Variants in CLRN3 observed in about 807,000 individuals in gnomAD.
CLRN3 encodes clarin-3.
CLRN3 carries 12 observed loss-of-function variants against 16.7 expected under a neutral mutation model. That is an observed-to-expected ratio of 0.72 (90% confidence interval 0.46 to 1.16). The LOEUF is 1.16. Among genes scored for constraint, CLRN3 ranks in the 50% most tolerant of loss-of-function variants. CLRN3 has a pLI of 0.00. For missense variants in CLRN3, 296 were observed against 274.2 expected, an observed-to-expected ratio of 1.08 and a Z score of -0.56; for synonymous variants, 118 against 113.0, an observed-to-expected ratio of 1.04 and a Z score of -0.28.
chr10:127,887,419 T>C (rs2135084098), intron 1 of CLRN3, among the ~76,000 whole-genome samples: 1 of 152,266 alleles, frequency 6.6e-6, no homozygotes, highest in Admixed American at 6.5e-5. Flanking sequence ...AAAAGCTGTT[T>C]TTGGGTATTC....
intron 1 of CLRN3, among the ~76,000 whole-genome samples, chr10:127,885,809 G>A (rs1011610987): frequency 1.1e-4 from 16 of 151,496 alleles, no homozygotes; most frequent in South Asian, 1.0e-3. Flanking sequence ...AGGCTGGAGC[G>A]CAATGGTGCG....
At chr10:127,889,752 C>T (rs1390337574) in intron 1 of CLRN3, among the ~76,000 whole-genome samples, 1 of 152,226 alleles carries the variant, frequency 6.6e-6, no homozygotes, top group Admixed American at 6.5e-5. Flanking sequence ...CACAGGAATT[C>T]CATGTCCTAA....
chr10:127,891,108 C>T (rs141439004), intron 1 of CLRN3, among the ~76,000 whole-genome samples: 1 of 152,316 alleles, frequency 6.6e-6, no homozygotes, highest in African/African-American at 2.4e-5. Flanking sequence ...TGGGCTGCCG[C>T]ACCTACCTGG....
intron 2 of CLRN3, 43 bp downstream of exon 2, chr10:127,883,653 A>C (rs72845049): frequency 0.12 from 168,099 of 1,371,790 alleles, 12,007 homozygotes; most frequent in Non-Finnish European, 0.15. Context: ...GACAAGCGGG[A>C]TGCAGTTTTC....
chr10:127,892,793 G>GA lies in CLRN3; in HGVS notation c.-10dup. 6.5e-7 allele frequency: 1 copy of GA among 1,546,046 alleles called. No homozygotes were observed. Among genetic ancestry groups the GA allele is most frequent in the Admixed American group, 1.7e-5 (1 of 59,804 alleles). ...TTCTTTGTGGTAGGCATTTTCACAG[G>GA]AAAATAAGTTCTCTAGGACAAAAAA... is the stretch of plus-strand genomic sequence containing the variant. On this transcript the variant is annotated 5_prime_UTR_variant, in exon 1 of 3. Coordinates refer to ENST00000368671, the MANE Select transcript of CLRN3 (RefSeq NM_152311.5).
intron 1 of CLRN3, among the ~76,000 whole-genome samples, chr10:127,884,187 C>A (rs528269199): frequency 6.6e-6 from 1 of 152,364 alleles, no homozygotes; most frequent in Non-Finnish European, 1.5e-5. Flanking sequence ...CTTCCCATTA[C>A]TGAGCTCGGG....
chr10:127,884,345 G>C (rs932625318), intron 1 of CLRN3, among the ~76,000 whole-genome samples: 3 of 152,232 alleles, frequency 2.0e-5, no homozygotes, highest in Non-Finnish European at 1.5e-5. Flanking sequence ...TGTGGCATCT[G>C]GGGTAATTGC....
intron 1 of CLRN3, among the ~76,000 whole-genome samples, chr10:127,885,781 G>A (rs1845186713): frequency 6.6e-6 from 1 of 152,058 alleles, no homozygotes; most frequent in African/African-American, 2.4e-5. Flanking sequence ...TTGAGTTGGA[G>A]TTTCACTCTT....
chr10:127,886,933 G>A (rs1845201914), intron 1 of CLRN3, among the ~76,000 whole-genome samples: 1 of 152,232 alleles, frequency 6.6e-6, no homozygotes, highest in Non-Finnish European at 1.5e-5. Flanking sequence ...GCCAGCCACT[G>A]CCTGTTGCCT....
At position 127,878,199 on chromosome 10, in the gene CLRN3, C is replaced by A; in HGVS notation, c.631G>T (p.Glu211Ter). ...GCATATTCCATTGGCTTTCTCTGCT[C>A]CTGCTTCCGCTGGTATCTGGCCTTC... ...YQKARYQRKQ[E>*]QRKPMEYAPR... Residue 211 changes from glutamate to a stop codon, truncating the protein, a stop_gained, in exon 3 of 3, where the codon GAG (glutamate) becomes TAG (stop). Coordinates refer to ENST00000368671, the MANE Select transcript of CLRN3 (RefSeq NM_152311.5). LOFTEE classifies it high-confidence loss of function. 9 of 1,614,106 alleles carry A rather than the reference C, an allele frequency of 5.6e-6. No individual in the cohort carries two copies. The highest frequency in any genetic ancestry group is 7.6e-6 in the Non-Finnish European group (9 of 1,179,952).
intron 1 of CLRN3, among the ~76,000 whole-genome samples, chr10:127,888,052 C>A (rs530656404): frequency 1.3e-5 from 2 of 152,338 alleles, no homozygotes; most frequent in East Asian, 3.9e-4. Context: ...CCTTCAGGCC[C>A]CACTTGCCAT....
intron 1 of CLRN3, 90 bp from the exon 2 acceptor site, chr10:127,883,965 G>T: frequency 8.1e-7 from 1 of 1,231,460 alleles, no homozygotes; most frequent in Non-Finnish European, 1.2e-6. Context: ...TTAGTGACTT[G>T]AGTTACTGGT....
rs1845076268 is a variant in CLRN3 at position 127,877,850 on chromosome 10, C to G, written c.*299G>C. On this transcript the variant is annotated 3_prime_UTR_variant, in exon 3 of 3. Coordinates refer to ENST00000368671, the MANE Select transcript of CLRN3 (RefSeq NM_152311.5). ...CTTTGAGATACTCAAAGAAAAGAAA[C>G]ATGACACAGCCTTTTATTATTTCAG... 1 of 331,138 alleles carries G rather than the reference C, an allele frequency of 3.0e-6. No homozygotes were observed. Among genetic ancestry groups the G allele is most frequent in the African/African-American group, 2.1e-5 (1 of 47,752 alleles). 20.5% of individuals were successfully genotyped at this position (331,138 alleles called of 1,614,324 possible). A position where few individuals can be genotyped will look rare whatever the true frequency, so the allele number is the denominator to read the frequency against.
At chr10:127,885,509 T>C (rs1252619666) in intron 1 of CLRN3, among the ~76,000 whole-genome samples, 1 of 152,228 alleles carries the variant, frequency 6.6e-6, no homozygotes, top group African/African-American at 2.4e-5. Flanking sequence ...CTGCTGAGTG[T>C]GACTGCAAAG....
Position 127,892,579 on chromosome 10 carries a change from G to A in CLRN3, c.206C>T (p.Ala69Val). ...ACCTGCAAACTTTTTCTTTGGTTCTGCAAGTCCGTGACTCAATTCTTCACT... is the reference window on the plus strand; with the variant it reads ...ACCTGCAAACTTTTTCTTTGGTTCTACAAGTCCGTGACTCAATTCTTCACT... ...ESSEELSHGL[A>V]EPKKKFAVLE... The change falls in exon 1 of 3, where the codon GCA becomes GTA. Residue 69 changes from alanine to valine, a missense_variant. Transcript: ENST00000368671. 1 of 1,600,868 alleles carries A rather than the reference G, an allele frequency of 6.2e-7. No homozygotes were observed. Among genetic ancestry groups the A allele is most frequent in the Non-Finnish European group, 8.6e-7 (1 of 1,167,938 alleles).
At chr10:127,883,631 C>T (rs1845156200) in intron 2 of CLRN3, 65 bp downstream of exon 2, 2 of 1,146,328 alleles carry the variant, frequency 1.7e-6, no homozygotes, top group Non-Finnish European at 2.7e-6. Context: ...GTGTGAGAGG[C>T]AGAGACATGG....
intron 1 of CLRN3, among the ~76,000 whole-genome samples, chr10:127,885,563 A>G (rs1202971611): frequency 6.6e-6 from 1 of 151,592 alleles, no homozygotes; most frequent in African/African-American, 2.4e-5. Flanking sequence ...TTCTGACTCT[A>G]TTTCTCTTTC....
Position 127,892,611 on chromosome 10 carries a change from C to A in CLRN3, c.174G>T (p.Gly58=). The change falls in exon 1 of 3, where the codon GGG becomes GGT. Residue 58 remains glycine, a synonymous_variant. Coordinates refer to ENST00000368671, the MANE Select transcript of CLRN3 (RefSeq NM_152311.5). ...CGTGACTCAATTCTTCACTACTCTC[C>A]CCACGAAAAAGTCCGTAAGTGATGA... ...SIFITYGLFR[G]ESSEELSHGL... 1 of 1,613,222 alleles carries A rather than the reference C, an allele frequency of 6.2e-7. No individual in the cohort carries two copies. The highest frequency in any genetic ancestry group is 8.5e-7 in the Non-Finnish European group (1 of 1,179,228).
At chr10:127,883,909 A>T (rs772935658) in intron 1 of CLRN3, 34 bp from the exon 2 acceptor site, 12 of 1,594,138 alleles carry the variant, frequency 7.5e-6, no homozygotes, top group Non-Finnish European at 7.7e-6. Flanking sequence ...ATAGCACATA[A>T]TGCAAACACC....
Sources: gnomAD v4.1 joint callset for allele counts (sites outside exome capture counted in the v4.1 genomes callset) on GRCh38, gnomAD v4.1.1 for gene constraint, MANE v1.5 for transcripts, NCBI Gene and HGNC (gene_info 2026-07-23, HGNC 2026-07-21) for gene names.